VPS37B: variants seen among roughly 807,000 people sequenced by gnomAD.
VPS37B encodes vacuolar protein sorting-associated protein 37B.
A neutral mutation model predicts 21.2 loss-of-function variants in VPS37B; 11 were observed. The observed-to-expected ratio is 0.52, with a 90% CI of 0.33 to 0.86. VPS37B has a LOEUF of 0.86. VPS37B is among the 40% of genes least tolerant of loss of function. The probability of loss-of-function intolerance (pLI) is 0.03; values close to 1 mark genes in which losing one functional copy is unlikely to be tolerated. For missense variants in VPS37B, 389 were observed against 374.8 expected (o/e 1.04, Z -0.31); for synonymous variants, 175 against 159.6 (o/e 1.10, Z -0.73).
intron 1 of VPS37B, chr12:122,876,492 T>C (rs971541130): frequency 6.6e-6 from 1 of 152,104 alleles, no homozygotes; most frequent in African/African-American, 2.4e-5. Context: ...GATGGATCAC[T>C]TGAGGTCAGG....
At position 122,868,679 on chromosome 12, in the gene VPS37B, G is replaced by A. The variant is rs2033958366; in HGVS notation, c.284-117C>T. 1.1e-6 allele frequency: 1 copy of A among 904,650 alleles called. No homozygotes were observed. Among genetic ancestry groups the A allele is most frequent in the Non-Finnish European group, 1.7e-6 (1 of 581,244 alleles). 56.0% of individuals were successfully genotyped at this position (904,650 alleles called of 1,614,324 possible). Reference sequence around the variant, plus strand: ...CCAGGAAGCTGAATGTGAAAGGCTTGAAAACCTACAGGGGAACAAGTGCAC... The same window carrying A: ...CCAGGAAGCTGAATGTGAAAGGCTTAAAAACCTACAGGGGAACAAGTGCAC... On this transcript the variant is annotated intron_variant, in intron 2 of 3. Transcript: ENST00000267202. This position sits in a 1 kb window ranked among gnomAD's most constrained non-coding sequence, Gnocchi z 5.5.
rs905414554 is a variant in VPS37B, at chr12:122,865,342, C to A, written c.*1774G>T. 1 of 152,246 alleles carries A rather than the reference C, an allele frequency of 6.6e-6. No homozygotes were observed. The highest frequency in any genetic ancestry group is 6.5e-5 in the Admixed American group (1 of 15,292). The allele number at this position is 152,246 out of a possible 1,614,324, so 9.4% of individuals were successfully genotyped here. A position where few individuals can be genotyped will look rare whatever the true frequency, so the allele number is the denominator to read the frequency against. On this transcript the variant is annotated 3_prime_UTR_variant, in exon 4 of 4. Coordinates refer to ENST00000267202, the MANE Select transcript of VPS37B (RefSeq NM_024667.3). ...AGTGACAGGCCTGTTATTAATAATT[C>A]TCTATTTATTAAAAAGGGTCCTACA...
intron 1 of VPS37B, chr12:122,876,521 C>A (rs1273784925): frequency 6.6e-6 from 1 of 152,036 alleles, no homozygotes; most frequent in African/African-American, 2.4e-5. Flanking sequence ...ACCAGCCTAG[C>A]CAAAATGATG....
At position 122,868,244 on chromosome 12, in the gene VPS37B, G is replaced by C. The variant is rs1020266650; in HGVS notation, c.366+236C>G. Among the ~76,000 whole-genome samples, 1 of 151,996 alleles carries C rather than the reference G, an allele frequency of 6.6e-6. No homozygotes were observed. The highest frequency in any genetic ancestry group is 2.4e-5 in the African/African-American group (1 of 41,394). On this transcript the variant is annotated intron_variant, in intron 3 of 3. Transcript: ENST00000267202. This position sits in a 1 kb window ranked among gnomAD's most constrained non-coding sequence, Gnocchi z 5.5. The stretch of plus-strand genomic sequence containing the variant: ...GGGGCCGGCGTTCACAGGGTGGCAC[G>C]CATGCCCTCTCTTGGCCCTCGCTCG...
intron 1 of VPS37B, chr12:122,871,612 C>A: frequency 1.0e-6 from 1 of 985,560 alleles, no homozygotes; most frequent in Non-Finnish European, 1.2e-6. Context: ...CCCACCCCAG[C>A]TCTTCTGAGC....
chr12:122,884,431 G>GT (rs2034293409), intron 1 of VPS37B: 1 of 152,182 alleles, frequency 6.6e-6, no homozygotes, highest in Non-Finnish European at 1.5e-5. Context: ...TCAGTTGACA[G>GT]TTTTTGTAGA....
chr12:122,893,968 C>G (rs1013281872), intron 1 of VPS37B, among the ~76,000 whole-genome samples: 4 of 152,080 alleles, frequency 2.6e-5, no homozygotes, highest in Admixed American at 6.6e-5. Flanking sequence ...ATTCTTTCCA[C>G]AAGCTTCCCT....
intron 1 of VPS37B, among the ~76,000 whole-genome samples, chr12:122,893,660 A>C (rs2034448239): frequency 6.6e-6 from 1 of 152,078 alleles, no homozygotes; most frequent in Non-Finnish European, 1.5e-5. Context: ...AGGTGAGCTA[A>C]GGTATTTTGG....
intron 1 of VPS37B, chr12:122,877,125 C>T (rs2034164401): frequency 6.6e-6 from 1 of 152,200 alleles, no homozygotes; most frequent in African/African-American, 2.4e-5. Flanking sequence ...GTTCTTTTTA[C>T]CCCCTTCACA....
rs770531574 is a variant in VPS37B at position 122,888,995 on chromosome 12, G to A, written c.111+6957C>T. 2.2e-3 allele frequency: 352 copies of A among 163,636 alleles called. 11 individuals are homozygous for A. Among genetic ancestry groups the A allele is most frequent in the Middle Eastern group, 5.5e-3 (2 of 362 alleles). 10.1% of individuals were successfully genotyped at this position (163,636 alleles called of 1,614,324 possible). A position where few individuals can be genotyped will look rare whatever the true frequency, so the allele number is the denominator to read the frequency against. On this transcript the variant is annotated intron_variant, in intron 1 of 3. Coordinates refer to ENST00000267202, the MANE Select transcript of VPS37B (RefSeq NM_024667.3). The stretch of plus-strand genomic sequence containing the variant: ...CACCCCCACTGCCCCTCCCCTCCCC[G>A]CTCACCAGAGCCCTGTCTCCTACTC...
At chr12:122,871,199 A>G (rs576507818) in intron 1 of VPS37B, 138 bp from the exon 2 acceptor site, 2 of 1,428,968 alleles carry the variant, frequency 1.4e-6, no homozygotes, top group East Asian at 5.1e-5. Context: ...CATGCCAGGC[A>G]GATGCTACTG....
intron 2 of VPS37B, among the ~76,000 whole-genome samples, chr12:122,869,077 A>G (rs1001754208): frequency 1.3e-5 from 2 of 152,096 alleles, no homozygotes; most frequent in Non-Finnish European, 2.9e-5. Context: ...GGCTTCTTGC[A>G]CTCAGCACCG....
intron 1 of VPS37B, among the ~76,000 whole-genome samples, chr12:122,895,521 C>T (rs2034479554): frequency 6.6e-6 from 1 of 151,846 alleles, no homozygotes; most frequent in African/African-American, 2.4e-5. Flanking sequence ...CAGATCCCCC[C>T]AGTTCCGTCC....
chr12:122,871,915 TAC>T, intron 1 of VPS37B: 1 of 985,412 alleles, frequency 1.0e-6, no homozygotes, highest in Non-Finnish European at 1.2e-6. Context: ...CGGCTTCCTC[TAC>T]CACAGCCCAG....
intron 1 of VPS37B, chr12:122,872,295 T>C: frequency 1.0e-6 from 1 of 985,368 alleles, no homozygotes; most frequent in Non-Finnish European, 1.2e-6. Context: ...AATCAGGAGA[T>C]CCCTAACCCC....
intron 2 of VPS37B, 40 bp downstream of exon 2, chr12:122,870,850 T>C (rs191040197): frequency 1.8e-4 from 277 of 1,580,974 alleles, no homozygotes; most frequent in Non-Finnish European, 2.1e-4. Context: ...TGTCCTTCTC[T>C]CAACTCTTTA....
At chr12:122,873,901 C>T (rs554902949) in intron 1 of VPS37B, 1 of 152,256 alleles carries the variant, frequency 6.6e-6, no homozygotes, top group South Asian at 2.1e-4. Flanking sequence ...CAGAGAGCCC[C>T]CCACAACCCC....
At chr12:122,895,417 C>T (rs1566134930) in intron 1 of VPS37B, among the ~76,000 whole-genome samples, 1 of 149,160 alleles carries the variant, frequency 6.7e-6, no homozygotes, top group Non-Finnish European at 1.5e-5. Context: ...CCAACCTCTA[C>T]CAGATCTAGC....
rs1231351679 is a variant in VPS37B, at chr12:122,867,505, C to T, written c.469G>A (p.Glu157Lys). The T allele has an allele frequency of 3.1e-6, 5 of 1,613,944 alleles. No individual in the cohort carries two copies. The Admixed American group carries it at 5.0e-5, about 16-fold the overall frequency. ...KLAHMRRVKI[E>K]KLQEMVLKGQ... Reference sequence around the variant, plus strand: ...TTTAGGACCATCTCCTGGAGCTTCTCGATTTTCACCCGTCGCATGTGGGCC... The same window carrying T: ...TTTAGGACCATCTCCTGGAGCTTCTTGATTTTCACCCGTCGCATGTGGGCC... Residue 157 changes from glutamate (E) to lysine (K), a missense_variant, in exon 4 of 4, where the codon GAG (glutamate) becomes AAG (lysine). By Grantham distance (56) the Glu-to-Lys change is moderately conservative. Coordinates refer to ENST00000267202, the MANE Select transcript of VPS37B (RefSeq NM_024667.3). This position sits in a 1 kb window ranked among gnomAD's most constrained non-coding sequence, Gnocchi z 5.5.
Sources: gnomAD v4.1 joint callset for allele counts (sites outside exome capture counted in the v4.1 genomes callset) on GRCh38, gnomAD v4.1.1 for gene constraint, Gnocchi (gnomAD v3.1) non-coding constraint, MANE v1.5 for transcripts, NCBI Gene and HGNC (gene_info 2026-07-23, HGNC 2026-07-21) for gene names.